HS6ST3: variants seen among roughly 807,000 people sequenced by gnomAD.
HS6ST3 encodes heparan sulfate 6-O-sulfotransferase 3, also known as heparan-sulfate 6-O-sulfotransferase 3.
Under a neutral mutation model 36.7 loss-of-function variants are expected in HS6ST3, and 12 were observed. That is an observed-to-expected ratio of 0.33 (90% CI 0.21 to 0.53). The LOEUF is 0.53. Among genes scored for constraint, HS6ST3 ranks in the 20% least tolerant of loss-of-function variants. The pLI is 0.95. For synonymous variants in HS6ST3, 240 were observed against 257.5 expected (o/e 0.93, Z 0.65); for missense variants, 584 against 640.9 (o/e 0.91, Z 0.96).
chr13:96,476,838 G>A (rs926410133), intron 1 of HS6ST3, among the ~76,000 whole-genome samples: 1 of 152,144 alleles, frequency 6.6e-6, no homozygotes, highest in African/African-American at 2.4e-5. Flanking sequence ...CTGGTGGAGT[G>A]GAGCTGAGGA....
At chr13:96,150,472 C>T (rs545990222) in intron 1 of HS6ST3, among the ~76,000 whole-genome samples, 11 of 152,040 alleles carry the variant, frequency 7.2e-5, no homozygotes, top group South Asian at 2.1e-4. Context: ...TCCCTGTCTG[C>T]GTAGGAATTT....
intron 1 of HS6ST3, among the ~76,000 whole-genome samples, chr13:96,707,433 A>T (rs1875457252): frequency 6.6e-6 from 1 of 152,242 alleles, no homozygotes; most frequent in Non-Finnish European, 1.5e-5. Context: ...CAGCAGCCTA[A>T]GCTGACTAGA....
In HS6ST3 at chr13:96,149,238, A is replaced by T. The variant is rs1312485752; in HGVS notation, c.707+57669A>T. Among the ~76,000 whole-genome samples, 3 of 152,070 alleles carry T rather than the reference A, an allele frequency of 2.0e-5. No homozygotes were observed. The South Asian group carries it at 6.2e-4, about 32-fold the overall frequency. On this transcript the variant is annotated intron_variant, in intron 1 of 1. Coordinates refer to ENST00000376705, the MANE Select transcript of HS6ST3 (RefSeq NM_153456.4). ...AATAACACCTTTTTGATACAGTAGAAAACTATTCTTGGTGATTTTTCGATC... is the reference window on the plus strand; with the variant it reads ...AATAACACCTTTTTGATACAGTAGATAACTATTCTTGGTGATTTTTCGATC...
intron 1 of HS6ST3, among the ~76,000 whole-genome samples, chr13:96,254,184 G>A (rs1471225628): frequency 6.6e-6 from 1 of 151,680 alleles, no homozygotes; most frequent in East Asian, 1.9e-4. Flanking sequence ...GGGAGGCTGA[G>A]GCAGGCAGAT....
intron 1 of HS6ST3, among the ~76,000 whole-genome samples, chr13:96,590,956 C>A (rs2056379944): frequency 6.6e-6 from 1 of 151,944 alleles, no homozygotes; most frequent in Admixed American, 6.6e-5. Flanking sequence ...TGTCTTTTCT[C>A]CAGTGTATGT....
At chr13:96,520,791 A>G (rs2056090273) in intron 1 of HS6ST3, among the ~76,000 whole-genome samples, 2 of 152,282 alleles carry the variant, frequency 1.3e-5, no homozygotes, top group Admixed American at 1.3e-4. Flanking sequence ...ATCATCTGCA[A>G]ACAGAAACAA....
At chr13:96,435,556 C>T (rs1236472366) in intron 1 of HS6ST3, among the ~76,000 whole-genome samples, 1 of 152,122 alleles carries the variant, frequency 6.6e-6, no homozygotes, top group Non-Finnish European at 1.5e-5. Context: ...AACTTAGGGC[C>T]ATTATCTGTA....
At chr13:96,657,342 C>T (rs955672367) in intron 1 of HS6ST3, among the ~76,000 whole-genome samples, 20 of 152,172 alleles carry the variant, frequency 1.3e-4, no homozygotes, top group Admixed American at 7.9e-4. Context: ...GGGAAGATCA[C>T]TTGAGCCCAA....
chr13:96,442,160 G>A (rs1344130), intron 1 of HS6ST3, among the ~76,000 whole-genome samples: 1 of 151,036 alleles, frequency 6.6e-6, no homozygotes, highest in African/African-American at 2.4e-5. Context: ...TGGCTGGGAC[G>A]ACAGGTGTGC....
intron 1 of HS6ST3, among the ~76,000 whole-genome samples, chr13:96,611,910 G>A (rs2056458275): frequency 6.6e-6 from 1 of 152,138 alleles, no homozygotes; most frequent in Non-Finnish European, 1.5e-5. Flanking sequence ...TTCTGAGGAG[G>A]AAATGATCTG....
chr13:96,338,329 T>C (rs1345370383), intron 1 of HS6ST3, among the ~76,000 whole-genome samples: 1 of 152,166 alleles, frequency 6.6e-6, no homozygotes, highest in African/African-American at 2.4e-5. Context: ...AAAGGTGTAC[T>C]TGGCTGCAGT....
intron 1 of HS6ST3, among the ~76,000 whole-genome samples, chr13:96,121,936 T>C (rs187949888): frequency 1.8e-4 from 27 of 152,256 alleles, no homozygotes; most frequent in African/African-American, 6.5e-4. Flanking sequence ...ACCATGGCAA[T>C]GAGGAGTAAC....
intron 1 of HS6ST3, among the ~76,000 whole-genome samples, chr13:96,589,064 A>C: frequency 6.6e-6 from 1 of 151,914 alleles, no homozygotes; most frequent in East Asian, 1.9e-4. Flanking sequence ...AGAAAAAAAA[A>C]AAAAAAAAAA....
In HS6ST3 at chr13:96,769,776, G is replaced by A. The variant is rs966324099; in HGVS notation, c.708-62714G>A. The stretch of plus-strand genomic sequence containing the variant: ...TGTGTGTGTGTGTGTGTGTGTGTGC[G>A]CACATATGTATTCTAGTTTTGCTAT... On this transcript the variant is annotated intron_variant, in intron 1 of 1. Transcript: ENST00000376705. Among the ~76,000 whole-genome samples the A allele has an allele frequency of 4.9e-5, 7 of 142,518 alleles. No individual in the cohort carries two copies. The South Asian group carries it at 6.7e-4, about 14-fold the overall frequency. 93.5% of individuals were successfully genotyped at this position (142,518 alleles called of 152,430 possible).
chr13:96,290,500 A>T (rs1292814175), intron 1 of HS6ST3, among the ~76,000 whole-genome samples: 3 of 152,104 alleles, frequency 2.0e-5, no homozygotes, highest in Non-Finnish European at 4.4e-5. Context: ...CAATAAGAGG[A>T]TTGGAGCCAA....
chr13:96,641,995 T>A (rs2056571900), intron 1 of HS6ST3, among the ~76,000 whole-genome samples: 1 of 151,894 alleles, frequency 6.6e-6, no homozygotes, highest in East Asian at 1.9e-4. Flanking sequence ...TCTCTTTATG[T>A]GGATTTGAAT....
At chr13:96,683,012 T>C (rs2056723532) in intron 1 of HS6ST3, among the ~76,000 whole-genome samples, 1 of 152,136 alleles carries the variant, frequency 6.6e-6, no homozygotes, top group Non-Finnish European at 1.5e-5. Flanking sequence ...ATGGAAGGTA[T>C]TTCATGAAGG....
At chr13:96,098,581 G>A (rs1480962300) in intron 1 of HS6ST3, among the ~76,000 whole-genome samples, 1 of 152,170 alleles carries the variant, frequency 6.6e-6, no homozygotes, top group African/African-American at 2.4e-5. Flanking sequence ...AGAACTCTGG[G>A]AGGCCAGGGG....
intron 1 of HS6ST3, among the ~76,000 whole-genome samples, chr13:96,348,401 C>G (rs2055166165): frequency 6.6e-6 from 1 of 152,144 alleles, no homozygotes; most frequent in Non-Finnish European, 1.5e-5. Context: ...TTTAGAGGGT[C>G]TGAGGGAAGG....
Sources: allele counts gnomAD v4.1 joint callset (sites outside exome capture counted in the v4.1 genomes callset), GRCh38; gene constraint gnomAD v4.1.1; transcripts MANE v1.5; gene names NCBI Gene and HGNC (gene_info 2026-07-23, HGNC 2026-07-21).